Variants in BRI3BP observed in about 807,000 individuals in gnomAD.
The protein encoded by BRI3BP is BRI3 binding protein, also known as BRI3-binding protein.
In BRI3BP, 7 loss-of-function variants were observed where a neutral mutation model predicts 15.8. The ratio of observed to expected loss-of-function variants is 0.44; its 90% CI spans 0.25 to 0.83. BRI3BP has a LOEUF of 0.83. Ranked by LOEUF, BRI3BP falls within the 40% of genes least tolerant of loss-of-function variation. The pLI is 0.20. For synonymous variants in BRI3BP, 192 were observed against 163.5 expected (o/e 1.17, Z -1.33); for missense variants, 320 against 339.3 (o/e 0.94, Z 0.45).
At chr12:125,038,154 G>A in the BRI3BP span, among the ~76,000 whole-genome samples, 6 of 151,726 alleles carry the variant, frequency 4.0e-5, no homozygotes, top group Admixed American at 4.0e-4. Context: ...GTGTGCGTCT[G>A]TGTTCCTAGC....
chr12:125,019,658 GCCTTTTTT>G (rs1955278645), intron 2 of BRI3BP, among the ~76,000 whole-genome samples: 1 of 13,446 alleles, frequency 7.4e-5, no homozygotes, highest in Non-Finnish European at 1.4e-4. Flanking sequence ...TTTTTTTTTT[GCCTTTTTT>G]GCTGTGAGTA....
rs1217778458 is a variant in BRI3BP, at chr12:125,009,283, C to CTTTTTTT, written c.214-3233_214-3227dup. On this transcript the variant is annotated intron_variant, in intron 1 of 2. Coordinates refer to ENST00000341446, the MANE Select transcript of BRI3BP (RefSeq NM_080626.6). ...GGTGTGGGCCACCGCACCCAGCCAT[C>CTTTTTTT]TTTTTTTTTTTTTTTTTTTTTTTTG... Among the ~76,000 whole-genome samples, 196 of 66,578 alleles carry CTTTTTTT rather than the reference C, an allele frequency of 2.9e-3. 14 individuals carry two copies. Among genetic ancestry groups the CTTTTTTT allele is most frequent in the Non-Finnish European group, 3.8e-3 (137 of 35,942 alleles). 43.7% of individuals were successfully genotyped at this position (66,578 alleles called of 152,430 possible).
At chr12:125,040,636 C>T in the BRI3BP span, among the ~76,000 whole-genome samples, 14 of 152,004 alleles carry the variant, frequency 9.2e-5, no homozygotes, top group Non-Finnish European at 2.1e-4. Context: ...AGCCACTGCG[C>T]CCCACCTCAA....
At chr12:125,012,707 C>T (rs914436248) in intron 2 of BRI3BP, 71 bp downstream of exon 2, 2 of 1,192,240 alleles carry the variant, frequency 1.7e-6, no homozygotes, top group African/African-American at 1.5e-5. Context: ...GGAACTGGTA[C>T]TCACAGTGAG....
At chr12:125,040,564 C>A in the BRI3BP span, among the ~76,000 whole-genome samples, 1 of 150,824 alleles carries the variant, frequency 6.6e-6, no homozygotes, top group Non-Finnish European at 1.5e-5. Flanking sequence ...ACTGGTCTTG[C>A]ACCCCCGACT....
intron 1 of BRI3BP, among the ~76,000 whole-genome samples, chr12:124,998,793 T>A (rs990185378): frequency 6.6e-6 from 1 of 152,100 alleles, no homozygotes; most frequent in Admixed American, 6.6e-5. Flanking sequence ...TTTAAAAAAA[T>A]TGGCCTGGTG....
chr12:125,000,016 C>CTTTTTTTTTT (rs66571863), intron 1 of BRI3BP, among the ~76,000 whole-genome samples: 1 of 40,690 alleles, frequency 2.5e-5, no homozygotes, highest in Non-Finnish European at 4.3e-5. Context: ...TTTGGTTTTT[C>CTTTTTTTTTT]TTTTTTTTTT....
intron 1 of BRI3BP, among the ~76,000 whole-genome samples, chr12:125,008,299 CTTTTTTTTT>C (rs55697100): frequency 7.0e-5 from 7 of 99,932 alleles, no homozygotes; most frequent in East Asian, 6.2e-4. Context: ...CCTCTTCTTT[CTTTTTTTTT>C]TTTTTTTTTT....
At chr12:125,006,297 C>T (rs1409589495) in intron 1 of BRI3BP, among the ~76,000 whole-genome samples, 9 of 152,152 alleles carry the variant, frequency 5.9e-5, no homozygotes, top group Admixed American at 5.9e-4. Context: ...TGTCACACAC[C>T]AGAGCAGGCA....
chr12:125,050,846 G>C, the BRI3BP span, among the ~76,000 whole-genome samples: 2 of 151,974 alleles, frequency 1.3e-5, no homozygotes, highest in Non-Finnish European at 2.9e-5. Context: ...TATAAAAAAG[G>C]TAAGGGACAT....
At chr12:125,044,326 AT>A in the BRI3BP span, among the ~76,000 whole-genome samples, 4 of 151,238 alleles carry the variant, frequency 2.6e-5, no homozygotes, top group Non-Finnish European at 5.9e-5. Context: ...TAAGTTTTAT[AT>A]TTTAGTAGAG....
At chr12:125,020,625 T>C (rs1228297034) in intron 2 of BRI3BP, among the ~76,000 whole-genome samples, 1 of 152,224 alleles carries the variant, frequency 6.6e-6, no homozygotes, top group Non-Finnish European at 1.5e-5. Context: ...GTGGCTCATC[T>C]GGTAATCCCA....
chr12:125,021,540 T>G (rs969638464), intron 2 of BRI3BP, among the ~76,000 whole-genome samples: 1 of 152,172 alleles, frequency 6.6e-6, no homozygotes, highest in African/African-American at 2.4e-5. Flanking sequence ...CTATCTGTAT[T>G]TGCTGGTTTC....
intron 2 of BRI3BP, among the ~76,000 whole-genome samples, chr12:125,019,953 CTT>C (rs71092263): frequency 2.9e-3 from 214 of 75,040 alleles, no homozygotes; most frequent in African/African-American, 0.012. Flanking sequence ...CAACAACAGA[CTT>C]TTTTTTTTTT....
chr12:124,998,628 C>T (rs1955059361), intron 1 of BRI3BP, among the ~76,000 whole-genome samples: 2 of 152,132 alleles, frequency 1.3e-5, no homozygotes, highest in African/African-American at 4.8e-5. Context: ...GGGGGAATTA[C>T]TGCTTAATTG....
downstream of BRI3BP, among the ~76,000 whole-genome samples, chr12:125,031,695 A>G (rs549090225): frequency 6.9e-6 from 1 of 144,296 alleles, no homozygotes; most frequent in South Asian, 2.2e-4. Flanking sequence ...TGTCCGGCCA[A>G]TTTTTGTATT....
At chr12:125,020,623 T>A (rs1479970881) in intron 2 of BRI3BP, among the ~76,000 whole-genome samples, 1 of 152,226 alleles carries the variant, frequency 6.6e-6, no homozygotes, top group Non-Finnish European at 1.5e-5. Flanking sequence ...CAGTGGCTCA[T>A]CTGGTAATCC....
chr12:125,050,466 G>T, the BRI3BP span, among the ~76,000 whole-genome samples: 3 of 152,160 alleles, frequency 2.0e-5, no homozygotes, highest in African/African-American at 7.2e-5. Flanking sequence ...GGCTTAAAGT[G>T]CCCAAAATGT....
the BRI3BP span, among the ~76,000 whole-genome samples, chr12:125,049,819 T>C: frequency 3.3e-5 from 5 of 151,292 alleles, no homozygotes; most frequent in South Asian, 2.1e-4. Context: ...GTGTGGCGCG[T>C]GAGTGTGTCC....
Sources: allele counts gnomAD v4.1 joint callset (sites outside exome capture counted in the v4.1 genomes callset), GRCh38; gene constraint gnomAD v4.1.1; transcripts MANE v1.5; gene names NCBI Gene and HGNC (gene_info 2026-07-23, HGNC 2026-07-21).